The following LRRC27 variants were observed in gnomAD, a reference collection of about 807,000 sequenced individuals.
LRRC27 encodes leucine rich repeat containing 27.
LRRC27 carries 57 observed loss-of-function variants against 55.0 expected under a neutral mutation model. That is an observed-to-expected ratio of 1.04 (90% CI 0.84 to 1.29). The LOEUF is 1.29. Among genes scored for constraint, LRRC27 ranks in the 50% most tolerant of loss-of-function variants. The pLI, the probability that LRRC27 is intolerant of heterozygous loss-of-function variation, is 0.00. For missense variants in LRRC27, 721 were observed against 651.5 expected, an observed-to-expected ratio of 1.11 and a Z score of -1.16; for synonymous variants, 278 against 251.9, an observed-to-expected ratio of 1.10 and a Z score of -0.98.
In LRRC27 at chr10:132,360,822, A is replaced by G. The variant is rs138285942; in HGVS notation, c.1171-635A>G. Among the ~76,000 whole-genome samples the G allele has an allele frequency of 5.5e-3, 838 of 152,068 alleles. 7 individuals are homozygous for G. The highest frequency in any genetic ancestry group is 0.011 in the Admixed American group (162 of 15,268). On this transcript the variant is annotated intron_variant, in intron 8 of 10. Coordinates refer to ENST00000368614, the MANE Select transcript of LRRC27 (RefSeq NM_030626.3). Reference sequence around the variant, plus strand: ...CACTCTGTTGCCAGGGTTCCCTCCTACCTGTTTTTGTCATCCGTTGGTTTC... The same window carrying G: ...CACTCTGTTGCCAGGGTTCCCTCCTGCCTGTTTTTGTCATCCGTTGGTTTC...
chr10:132,353,153 C>T lies in LRRC27; in HGVS notation c.1073+1400C>T. Reference sequence around the variant, plus strand: ...GGTGGTTGGCTTTGGCCAGCGGGGGCCCCCAGCAGGAGGTCGAGGAGGAAG... The same window carrying T: ...GGTGGTTGGCTTTGGCCAGCGGGGGTCCCCAGCAGGAGGTCGAGGAGGAAG... On this transcript the variant is annotated intron_variant, in intron 7 of 10. Transcript: ENST00000368614. The T allele has an allele frequency of 3.5e-6, 5 of 1,436,176 alleles. No homozygotes were observed. The South Asian group carries it at 7.2e-5, about 21-fold the overall frequency. 89.0% of individuals were successfully genotyped at this position (1,436,176 alleles called of 1,614,324 possible). A position where few individuals can be genotyped will look rare whatever the true frequency, so the allele number is the denominator to read the frequency against.
intron 7 of LRRC27, chr10:132,353,243 C>G (rs2068152848): frequency 2.1e-5 from 27 of 1,295,496 alleles, no homozygotes; most frequent in Non-Finnish European, 2.5e-5. Flanking sequence ...CTGGCCGAGT[C>G]CAGCCTCTCC....
intron 9 of LRRC27, among the ~76,000 whole-genome samples, chr10:132,364,457 AC>A (rs2068859622): frequency 2.8e-5 from 2 of 70,452 alleles, no homozygotes; most frequent in Non-Finnish European, 5.8e-5. Flanking sequence ...ACCCACACTC[AC>A]ACCCACCCAC....
In LRRC27 at chr10:132,342,199, G is replaced by A; in HGVS notation, c.342-14G>A. Reference sequence around the variant, plus strand: ...CTTGCTTTTTAAATTTTTTTGTTTTGTTTTGCTTTAAAGGCATTTGAAAAC... The same window carrying A: ...CTTGCTTTTTAAATTTTTTTGTTTTATTTTGCTTTAAAGGCATTTGAAAAC... On this transcript the variant is annotated splice_polypyrimidine_tract_variant and intron_variant, in intron 3 of 10. Coordinates refer to ENST00000368614, the MANE Select transcript of LRRC27 (RefSeq NM_030626.3). 1 of 1,505,614 alleles carries A rather than the reference G, an allele frequency of 6.6e-7. No homozygotes were observed. The highest frequency in any genetic ancestry group is 8.9e-7 in the Non-Finnish European group (1 of 1,121,878). 93.3% of individuals were successfully genotyped at this position (1,505,614 alleles called of 1,614,324 possible). A position where few individuals can be genotyped will look rare whatever the true frequency, so the allele number is the denominator to read the frequency against.
At chr10:132,353,065 C>T in intron 7 of LRRC27, 1 of 1,536,826 alleles carries the variant, frequency 6.5e-7, no homozygotes. Context: ...CTTCACCCCT[C>T]CCTGGGCCCC....
In LRRC27 at chr10:132,363,940, C is replaced by T. The variant is rs541560167; in HGVS notation, c.1290-1484C>T. Among the ~76,000 whole-genome samples, 22 of 152,156 alleles carry T rather than the reference C, an allele frequency of 1.4e-4. 1 individual carries two copies. Among genetic ancestry groups the T allele is most frequent in the Admixed American group, 3.9e-4 (6 of 15,264 alleles). Reference sequence around the variant, plus strand: ...CTAGGTTGTATTAACTCCCCAACCTCGTGAAAATGGCTTAGACTAAAACCA... The same window carrying T: ...CTAGGTTGTATTAACTCCCCAACCTTGTGAAAATGGCTTAGACTAAAACCA... On this transcript the variant is annotated intron_variant, in intron 9 of 10. Coordinates refer to ENST00000368614, the MANE Select transcript of LRRC27 (RefSeq NM_030626.3).
intron 2 of LRRC27, chr10:132,335,106 C>G (rs939914826): frequency 6.6e-6 from 1 of 152,214 alleles, no homozygotes. Context: ...ACATGAGAAA[C>G]AAACTTACCC....
At chr10:132,331,833 G>C, upstream of LRRC27, 1 of 1,515,120 alleles carries the variant, frequency 6.6e-7, no homozygotes, top group Non-Finnish European at 8.9e-7. Context: ...CAAGGCCGCG[G>C]GCGCGGAAAA....
rs1443646199 is a variant in LRRC27 at position 132,379,182 on chromosome 10, T to A, written c.*3940T>A. The A allele has an allele frequency of 6.6e-6, 1 of 150,864 alleles. No individual in the cohort carries two copies. The highest frequency in any genetic ancestry group is 2.6e-5 in the African/African-American group (1 of 39,206). The allele number at this position is 150,864 out of a possible 1,614,324, so 9.3% of individuals were successfully genotyped here. On this transcript the variant is annotated 3_prime_UTR_variant, in exon 11 of 11. Coordinates refer to ENST00000368614, the MANE Select transcript of LRRC27 (RefSeq NM_030626.3). ...GGGGAGTGCGTGGTGTCAGATCCCA[T>A]CCTGCTCCTCTCCAGAGTTTCCTCT...
intron 9 of LRRC27, 112 bp downstream of exon 9, chr10:132,361,687 T>C (rs566146555): frequency 6.4e-4 from 512 of 798,600 alleles, no homozygotes; most frequent in Middle Eastern, 5.6e-3. Context: ...AACTCCAGGC[T>C]GTGGCGGGCC....
At chr10:132,349,117 T>C in intron 6 of LRRC27, 1 of 1,145,784 alleles carries the variant, frequency 8.7e-7, no homozygotes, top group Non-Finnish European at 1.3e-6. Context: ...TGTGTGTGTG[T>C]AAACATCTAG....
chr10:132,334,353 T>A (rs912527453), intron 2 of LRRC27, among the ~76,000 whole-genome samples: 14 of 152,222 alleles, frequency 9.2e-5, no homozygotes, highest in African/African-American at 3.1e-4. Flanking sequence ...ATTGTGAAAA[T>A]GAATAATGTG....
At chr10:132,334,856 G>C (rs1247243385) in intron 2 of LRRC27, among the ~76,000 whole-genome samples, 1 of 152,208 alleles carries the variant, frequency 6.6e-6, no homozygotes, top group Non-Finnish European at 1.5e-5. Flanking sequence ...CTTCAGGCTT[G>C]ATGAAGAAAC....
chr10:132,351,093 C>T (rs536189727), intron 6 of LRRC27: 264 of 159,976 alleles, frequency 1.7e-3, no homozygotes, highest in Middle Eastern at 3.1e-3. Context: ...GGAGGCCAGG[C>T]GCCTTCTGAT....
chr10:132,337,831 G>T (rs891603016), intron 3 of LRRC27, 136 bp downstream of exon 3: 1 of 1,059,442 alleles, frequency 9.4e-7, no homozygotes, highest in Non-Finnish European at 1.3e-6. Flanking sequence ...TTTAAAGCCA[G>T]CTAAGAGGTT....
chr10:132,336,125 G>C (rs937497139), intron 2 of LRRC27, among the ~76,000 whole-genome samples: 1 of 152,214 alleles, frequency 6.6e-6, no homozygotes, highest in Non-Finnish European at 1.5e-5. Context: ...GAGGTGCTGG[G>C]GAGGAAGAAG....
chr10:132,342,933 A>G (rs183640732), intron 4 of LRRC27, among the ~76,000 whole-genome samples: 2 of 152,346 alleles, frequency 1.3e-5, no homozygotes, highest in Admixed American at 6.5e-5. Context: ...ATACGCATGT[A>G]TACATAAAAG....
intron 10 of LRRC27, chr10:132,367,029 C>T (rs1046348562): frequency 8.9e-7 from 1 of 1,126,732 alleles, no homozygotes; most frequent in Non-Finnish European, 1.1e-6. Context: ...TGACCTTGTC[C>T]TTGGACACCC....
chr10:132,334,611 C>T lies in LRRC27; in HGVS notation c.210+877C>T, dbSNP rs1172579729. Among the ~76,000 whole-genome samples the T allele has an allele frequency of 2.0e-5, 3 of 152,324 alleles. No individual in the cohort carries two copies. In the South Asian group the frequency reaches 6.2e-4, roughly 32 times the overall value. ...TTTTAGTGGCTGCTTAAGTTATAAACTCTACATTTGCATTGTCTTTGCTGT... is the reference window on the plus strand; with the variant it reads ...TTTTAGTGGCTGCTTAAGTTATAAATTCTACATTTGCATTGTCTTTGCTGT... On this transcript the variant is annotated intron_variant, in intron 2 of 10. Coordinates refer to ENST00000368614, the MANE Select transcript of LRRC27 (RefSeq NM_030626.3).
Sources: gnomAD v4.1 joint callset for allele counts (sites outside exome capture counted in the v4.1 genomes callset) on GRCh38, gnomAD v4.1.1 for gene constraint, MANE v1.5 for transcripts, NCBI Gene and HGNC (gene_info 2026-07-23, HGNC 2026-07-21) for gene names.